Variants in LDHC observed in about 807,000 individuals in gnomAD.
The protein encoded by LDHC is lactate dehydrogenase C, also known as L-lactate dehydrogenase C chain.
LDHC carries 20 observed loss-of-function variants against 30.2 expected under a neutral mutation model. That is an observed-to-expected ratio of 0.66 (90% CI 0.47 to 0.96). The LOEUF is 0.96. LDHC is among the 40% of genes least tolerant of loss of function. The pLI is 0.00. For synonymous variants in LDHC, 139 were observed against 132.7 expected (o/e 1.05, Z -0.32); for missense variants, 362 against 394.9 (o/e 0.92, Z 0.71).
intron 3 of LDHC, among the ~76,000 whole-genome samples, chr11:18,419,908 A>G (rs1251192513): frequency 6.6e-6 from 1 of 152,168 alleles, no homozygotes; most frequent in African/African-American, 2.4e-5. Flanking sequence ...CTTGGCCAAC[A>G]TGGTGAAAAC....
rs962135322 is a variant in LDHC, at chr11:18,451,486, T to C, written c.*359T>C. ...TTTTTCTAGTATTACAATTTTATCT[T>C]GTACTTTCATCCGTTAGAGTACCAG... On this transcript the variant is annotated 3_prime_UTR_variant, in exon 8 of 8. Coordinates refer to ENST00000541669, the MANE Select transcript of LDHC (RefSeq NM_017448.5). 1 of 155,192 alleles carries C rather than the reference T, an allele frequency of 6.4e-6. No homozygotes were observed. Among genetic ancestry groups the C allele is most frequent in the African/African-American group, 2.4e-5 (1 of 41,588 alleles). 9.6% of individuals were successfully genotyped at this position (155,192 alleles called of 1,614,324 possible). A position where few individuals can be genotyped will look rare whatever the true frequency, so the allele number is the denominator to read the frequency against.
At chr11:18,424,850 A>G (rs752051211) in intron 3 of LDHC, among the ~76,000 whole-genome samples, 66 of 152,140 alleles carry the variant, frequency 4.3e-4, no homozygotes, top group Non-Finnish European at 8.1e-4. Context: ...TCTACTAAAA[A>G]TACAAAAATT....
intron 7 of LDHC, among the ~76,000 whole-genome samples, chr11:18,449,427 C>CAAAAAAA (rs1848615600): frequency 2.1e-5 from 1 of 48,628 alleles, no homozygotes; most frequent in Non-Finnish European, 3.5e-5. Flanking sequence ...ACACTGTCTC[C>CAAAAAAA]TAAAAAAAAA....
intron 6 of LDHC, among the ~76,000 whole-genome samples, chr11:18,440,452 A>G (rs541041887): frequency 2.6e-5 from 4 of 152,328 alleles, no homozygotes; most frequent in African/African-American, 7.2e-5. Flanking sequence ...TTAGTTTTAA[A>G]AGTTTATATT....
chr11:18,414,008 G>C (rs1866956762), intron 2 of LDHC, among the ~76,000 whole-genome samples: 1 of 152,184 alleles, frequency 6.6e-6, no homozygotes, highest in African/African-American at 2.4e-5. Flanking sequence ...GTATATCTTG[G>C]TTTAGATTTT....
intron 4 of LDHC, among the ~76,000 whole-genome samples, chr11:18,430,664 T>TG (rs1205696468): frequency 6.6e-6 from 1 of 152,156 alleles, no homozygotes; most frequent in Non-Finnish European, 1.5e-5. Flanking sequence ...ACCCAGCCAT[T>TG]GTTTATACAT....
chr11:18,412,901 T>A, intron 2 of LDHC, 58 bp downstream of exon 2: 1 of 1,540,944 alleles, frequency 6.5e-7, no homozygotes, highest in Non-Finnish European at 8.9e-7. Context: ...GAGTGTTGTA[T>A]ATGTCGATGT....
At chr11:18,415,356 T>C in intron 3 of LDHC, 55 bp downstream of exon 3, 1 of 897,180 alleles carries the variant, frequency 1.1e-6, no homozygotes, top group Non-Finnish European at 1.8e-6. Flanking sequence ...AGTAATAAAT[T>C]TTACCAAACA....
intron 2 of LDHC, 30 bp from the exon 3 acceptor site, chr11:18,415,154 C>T (rs1318672986): frequency 4.8e-6 from 6 of 1,252,852 alleles, no homozygotes; most frequent in Non-Finnish European, 6.9e-6. Flanking sequence ...TAAGTAGGAA[C>T]ATTTTATTCA....
chr11:18,433,633 T>C (rs112818034), intron 4 of LDHC, among the ~76,000 whole-genome samples: 22,715 of 152,150 alleles, frequency 0.15, 1,883 homozygotes, highest in African/African-American at 0.21. Flanking sequence ...GCCACAATCC[T>C]TTCTAGGTTG....
intron 4 of LDHC, among the ~76,000 whole-genome samples, chr11:18,434,009 T>C (rs1337764429): frequency 6.6e-6 from 1 of 152,186 alleles, no homozygotes; most frequent in African/African-American, 2.4e-5. Context: ...CTTCTTATTC[T>C]TTTTCTTTGT....
At position 18,446,311 on chromosome 11, in the gene LDHC, AC is replaced by A; in HGVS notation, c.815del (p.Pro272GlnfsTer12). 1 of 1,606,934 alleles carries A rather than the reference AC, an allele frequency of 6.2e-7. No individual in the cohort carries two copies. Among genetic ancestry groups the A allele is most frequent in the Non-Finnish European group, 8.5e-7 (1 of 1,173,766 alleles). On this transcript the variant is annotated frameshift_variant, in exon 7 of 8. Transcript: ENST00000541669. LOFTEE classifies it low-confidence loss of function (END_TRUNC). Reference protein sequence around the residue: ...GSILKNLRRVHPVSTMVKGLY... With the variant: ...GSILKNLRRVXPVSTMVKGLY... Reference sequence around the variant, plus strand: ...ATTTTGAAAAATCTTAGGAGAGTGCACCCAGTTTCCACCATGGTTAAGGTAG... The same window carrying A: ...ATTTTGAAAAATCTTAGGAGAGTGCACCAGTTTCCACCATGGTTAAGGTAG...
chr11:18,449,278 A>G (rs1848613480), intron 7 of LDHC, among the ~76,000 whole-genome samples: 1 of 151,780 alleles, frequency 6.6e-6, no homozygotes, highest in African/African-American at 2.4e-5. Context: ...CTCTATAAAA[A>G]ATGAAAAGAA....
At chr11:18,416,543 T>A (rs1867025882) in intron 3 of LDHC, among the ~76,000 whole-genome samples, 1 of 152,222 alleles carries the variant, frequency 6.6e-6, no homozygotes, top group Non-Finnish European at 1.5e-5. Context: ...GAAAGAGCCA[T>A]GATAAACATT....
intron 6 of LDHC, among the ~76,000 whole-genome samples, chr11:18,439,871 A>C (rs1040326051): frequency 2.0e-5 from 3 of 149,406 alleles, no homozygotes; most frequent in Admixed American, 6.8e-5. Context: ...GCGTGCCTGT[A>C]ATCCCAGCTA....
intron 6 of LDHC, among the ~76,000 whole-genome samples, chr11:18,443,281 G>C (rs1391079787): frequency 6.6e-6 from 1 of 151,998 alleles, no homozygotes; most frequent in Non-Finnish European, 1.5e-5. Flanking sequence ...GATCTAACTG[G>C]TCTGGAGGCA....
chr11:18,446,370 C>G (rs558312355), intron 7 of LDHC, 37 bp downstream of exon 7: 1 of 1,473,810 alleles, frequency 6.8e-7, no homozygotes, highest in African/African-American at 1.4e-5. Context: ...TCATTCTTTC[C>G]TTTAATATTT....
chr11:18,438,705 C>T lies in LDHC; in HGVS notation c.710+60C>T, dbSNP rs573205777. The T allele has an allele frequency of 3.5e-4, 304 of 874,136 alleles. No individual in the cohort carries two copies. In the East Asian group the frequency reaches 4.4e-3, roughly 13 times the overall value. The allele number at this position is 874,136 out of a possible 1,614,324, so 54.1% of individuals were successfully genotyped here. A position where few individuals can be genotyped will look rare whatever the true frequency, so the allele number is the denominator to read the frequency against. On this transcript the variant is annotated intron_variant, in intron 6 of 7. Coordinates refer to ENST00000541669, the MANE Select transcript of LDHC (RefSeq NM_017448.5). ...TAGTCAGTCTTAAGAATAAATATCA[C>T]GGACAAAAATCAAGTAGTTGATCCT...
chr11:18,446,164 G>A (rs1839859862), intron 6 of LDHC, 46 bp from the exon 7 acceptor site: 1 of 1,508,798 alleles, frequency 6.6e-7, no homozygotes, highest in Non-Finnish European at 9.2e-7. Context: ...GTTTTCTCTG[G>A]GTTGACTTAT....
Sources: gnomAD v4.1 joint callset for allele counts (sites outside exome capture counted in the v4.1 genomes callset) on GRCh38, gnomAD v4.1.1 for gene constraint, MANE v1.5 for transcripts, NCBI Gene and HGNC (gene_info 2026-07-23, HGNC 2026-07-21) for gene names.